WDR70: variants seen among roughly 807,000 people sequenced by gnomAD.
WDR70 encodes the protein WD repeat-containing protein 70.
In WDR70, 53 loss-of-function variants were observed where a neutral mutation model predicts 88.6. That is an observed-to-expected ratio of 0.60 (90% CI 0.48 to 0.75). WDR70 has a LOEUF of 0.75. Among genes scored for constraint, WDR70 ranks in the 30% least tolerant of loss-of-function variants. The probability of loss-of-function intolerance (pLI) is 0.00; values close to 1 mark genes in which losing one functional copy is unlikely to be tolerated. For synonymous variants in WDR70, 280 were observed against 270.0 expected (o/e 1.04, Z -0.36); for missense variants, 610 against 823.2 (o/e 0.74, Z 3.17).
chr5:37,626,763 T>G (rs1744675926), intron 10 of WDR70, among the ~76,000 whole-genome samples: 1 of 152,176 alleles, frequency 6.6e-6, no homozygotes, highest in Non-Finnish European at 1.5e-5. Context: ...TTTTTGTTGT[T>G]GAAAGACCTT....
At chr5:37,699,356 ACACAGTGT>A (rs1318050576) in intron 11 of WDR70, among the ~76,000 whole-genome samples, 8 of 143,710 alleles carry the variant, frequency 5.6e-5, no homozygotes, top group East Asian at 4.1e-4. Context: ...ACACACACAC[ACACAGTGT>A]GTGTGTGTGT....
intron 13 of WDR70, among the ~76,000 whole-genome samples, chr5:37,711,767 C>T (rs192495412): frequency 1.5e-4 from 23 of 152,220 alleles, no homozygotes; most frequent in Non-Finnish European, 2.2e-4. Context: ...GTAAGGGCAT[C>T]ATCATATTAC....
In WDR70 at chr5:37,396,536, CAGAGGAAGAAGA is replaced by C; in HGVS notation, c.468_479del (p.Glu161_Glu164del). ...CCTCTTAATGAAGAAGAAGAAGAAG[CAGAGGAAGAAGA>C]AGAGGAAGAGGAGGAAGAGGAAGTA... On this transcript the variant is annotated inframe_deletion, in exon 5 of 18. Transcript: ENST00000265107. The C allele has an allele frequency of 6.2e-7, 1 of 1,611,814 alleles. No homozygotes were observed. Among genetic ancestry groups the C allele is most frequent in the South Asian group, 1.1e-5 (1 of 90,766 alleles).
chr5:37,700,201 G>C (rs939778611), intron 11 of WDR70: 1 of 152,200 alleles, frequency 6.6e-6, no homozygotes, highest in African/African-American at 2.4e-5. Context: ...AAGGGGTTGA[G>C]GCAGGTCTCA....
At chr5:37,742,713 T>G (rs550795307) in intron 17 of WDR70, among the ~76,000 whole-genome samples, 1 of 152,218 alleles carries the variant, frequency 6.6e-6, no homozygotes, top group Non-Finnish European at 1.5e-5. Flanking sequence ...TATGGTTAGG[T>G]CTTTGATCCA....
chr5:37,491,560 G>T (rs78405005), intron 8 of WDR70, among the ~76,000 whole-genome samples: 1 of 152,186 alleles, frequency 6.6e-6, no homozygotes, highest in African/African-American at 2.4e-5. Context: ...TTTAGTGGGA[G>T]ATATCTCCAT....
intron 7 of WDR70, among the ~76,000 whole-genome samples, chr5:37,467,859 C>T (rs1329766479): frequency 1.9e-4 from 29 of 151,520 alleles, no homozygotes; most frequent in African/African-American, 2.7e-4. Context: ...GGATTACAGG[C>T]GCCCGCCACC....
At chr5:37,697,376 T>C (rs1018515076) in intron 10 of WDR70, among the ~76,000 whole-genome samples, 3 of 152,212 alleles carry the variant, frequency 2.0e-5, no homozygotes, top group African/African-American at 4.8e-5. Context: ...AAGAAGAAGT[T>C]ATTGTAGTCT....
At chr5:37,446,764 C>T (rs1460069489) in intron 7 of WDR70, among the ~76,000 whole-genome samples, 2 of 152,166 alleles carry the variant, frequency 1.3e-5, no homozygotes, top group Non-Finnish European at 2.9e-5. Context: ...TGGATCCCTT[C>T]CTTATACCTT....
At chr5:37,645,260 T>C (rs1745202272) in intron 10 of WDR70, among the ~76,000 whole-genome samples, 1 of 152,022 alleles carries the variant, frequency 6.6e-6, no homozygotes, top group South Asian at 2.1e-4. Context: ...TAGCATGTTA[T>C]GTTGTTTCAT....
chr5:37,466,310 T>C (rs1457182194), intron 7 of WDR70, among the ~76,000 whole-genome samples: 4 of 152,258 alleles, frequency 2.6e-5, no homozygotes, highest in Non-Finnish European at 5.9e-5. Flanking sequence ...AAGAGTCTTC[T>C]GTTTTTCCAA....
At chr5:37,467,759 C>T (rs1277832999) in intron 7 of WDR70, among the ~76,000 whole-genome samples, 1 of 150,834 alleles carries the variant, frequency 6.6e-6, no homozygotes, top group African/African-American at 2.4e-5. Flanking sequence ...CTCTTTCTCC[C>T]AGGCCGGACT....
At chr5:37,416,747 T>C (rs1749769727) in intron 5 of WDR70, among the ~76,000 whole-genome samples, 1 of 152,100 alleles carries the variant, frequency 6.6e-6, no homozygotes, top group African/African-American at 2.4e-5. Context: ...GCCTGGCTAA[T>C]TTTTGTAATT....
intron 17 of WDR70, among the ~76,000 whole-genome samples, chr5:37,732,485 A>G (rs567989859): frequency 1.3e-5 from 2 of 152,110 alleles, no homozygotes; most frequent in African/African-American, 4.8e-5. Context: ...GTATCTTTGG[A>G]TGTAGGTATT....
At chr5:37,516,389 T>C (rs536465030) in intron 8 of WDR70, 125 bp from the exon 9 acceptor site, 10 of 516,978 alleles carry the variant, frequency 1.9e-5, no homozygotes, top group African/African-American at 5.7e-5. Flanking sequence ...AGGTTTATAA[T>C]TAAAATGGTG....
chr5:37,396,314 A>G (rs1049918839), intron 4 of WDR70, 61 bp from the exon 5 acceptor site: 14 of 1,478,314 alleles, frequency 9.5e-6, no homozygotes, highest in Admixed American at 2.4e-5. Context: ...AATGAATACT[A>G]TTTCCAAAGT....
In WDR70 at chr5:37,417,959, G is replaced by A. The variant is rs1581263225; in HGVS notation, c.493-19963G>A. Among the ~76,000 whole-genome samples the A allele has an allele frequency of 2.0e-5, 3 of 152,310 alleles. 1 individual carries two copies. Among genetic ancestry groups the A allele is most frequent in the Admixed American group, 2.0e-4 (3 of 15,286 alleles). On this transcript the variant is annotated intron_variant, in intron 5 of 17. Transcript: ENST00000265107. Reference sequence around the variant, plus strand: ...CAGATTTAAGTAAGTGCGCCATTAAGTAAGTGGAAATGATGTTAAAGAAGT... The same window carrying A: ...CAGATTTAAGTAAGTGCGCCATTAAATAAGTGGAAATGATGTTAAAGAAGT...
rs1242751615 is a variant in WDR70 at position 37,558,325 on chromosome 5, A to AT, written c.917+41745dup. Among the ~76,000 whole-genome samples, 1,022 of 149,152 alleles carry AT rather than the reference A, an allele frequency of 6.9e-3. 7 individuals carry two copies. The highest frequency in any genetic ancestry group is 0.017 in the African/African-American group (703 of 40,632). On this transcript the variant is annotated intron_variant, in intron 9 of 17. Coordinates refer to ENST00000265107, the MANE Select transcript of WDR70 (RefSeq NM_018034.4). ...TTTGAACACAATGTATTTAGCTTTG[A>AT]TTTTTTTTTTGAGACAGAATTTTGC...
At chr5:37,466,967 G>A (rs1739170187) in intron 7 of WDR70, among the ~76,000 whole-genome samples, 1 of 152,026 alleles carries the variant, frequency 6.6e-6, no homozygotes, top group East Asian at 1.9e-4. Flanking sequence ...CAGGCGTGGT[G>A]GCTTGTGCCT....
Sources: gnomAD v4.1 joint callset for allele counts (sites outside exome capture counted in the v4.1 genomes callset) on GRCh38, gnomAD v4.1.1 for gene constraint, MANE v1.5 for transcripts, NCBI Gene and HGNC (gene_info 2026-07-23, HGNC 2026-07-21) for gene names.